Variants in MAGI2 observed in about 807,000 individuals in gnomAD.
MAGI2 encodes membrane associated guanylate kinase, WW and PDZ domain containing 2.
In MAGI2, 35 loss-of-function variants were observed where a neutral mutation model predicts 133.3. That is an observed-to-expected ratio of 0.26 (90% confidence interval 0.20 to 0.35). MAGI2 has a LOEUF of 0.35. MAGI2 is among the 10% of genes least tolerant of loss of function. The pLI, the probability that MAGI2 is intolerant of heterozygous loss-of-function variation, is 1.00. For missense variants in MAGI2, 1,636 were observed against 1,863.4 expected, an observed-to-expected ratio of 0.88 and a Z score of 2.25; for synonymous variants, 729 against 710.6, an observed-to-expected ratio of 1.03 and a Z score of -0.41.
At chr7:79,450,257 C>A (rs1468729272) in intron 1 of MAGI2, among the ~76,000 whole-genome samples, 1 of 152,000 alleles carries the variant, frequency 6.6e-6, no homozygotes, top group Non-Finnish European at 1.5e-5. Context: ...ACTACTGGGC[C>A]AAGAGTTTCT....
chr7:78,352,525 A>G (rs961293891), intron 7 of MAGI2, among the ~76,000 whole-genome samples: 2 of 152,164 alleles, frequency 1.3e-5, no homozygotes, highest in African/African-American at 2.4e-5. Flanking sequence ...ATTATTTCCT[A>G]CTGTACCTGG....
At chr7:79,059,058 T>C (rs1054882882) in intron 1 of MAGI2, among the ~76,000 whole-genome samples, 1 of 152,050 alleles carries the variant, frequency 6.6e-6, no homozygotes, top group Non-Finnish European at 1.5e-5. Flanking sequence ...AGTAAAATAA[T>C]GGGTATTAGG....
chr7:79,206,482 AT>A (rs1427637038), intron 1 of MAGI2, among the ~76,000 whole-genome samples: 1 of 151,888 alleles, frequency 6.6e-6, no homozygotes, highest in East Asian at 1.9e-4. Flanking sequence ...AAGTGGACAA[AT>A]TCCTTGACAC....
At chr7:78,559,847 G>GTATA (rs1446071353) in intron 3 of MAGI2, among the ~76,000 whole-genome samples, 31 of 152,114 alleles carry the variant, frequency 2.0e-4, no homozygotes, top group Admixed American at 1.9e-3. Flanking sequence ...AAACATGTAT[G>GTATA]TGTGTGTGTA....
intron 2 of MAGI2, among the ~76,000 whole-genome samples, chr7:78,767,910 A>T (rs1825192278): frequency 6.6e-6 from 1 of 152,214 alleles, no homozygotes; most frequent in Non-Finnish European, 1.5e-5. Context: ...TCGGCATCTT[A>T]AATGTTGTTC....
Position 78,160,233 on chromosome 7 carries a change from T to C in MAGI2, c.2637A>G (p.Val879=), listed in dbSNP as rs1265316156. ...CPENGRSPGS[V]STHHSSPRSD... ...TGCGTGGAGAGCTGTGGTGGGTGGA[T>C]ACAGAGCCTGGACTTCTCCCGTTCT... is the stretch of plus-strand genomic sequence containing the variant. Residue 879 remains valine, a synonymous_variant, in exon 16 of 22, where the codon GTA becomes GTG. Coordinates refer to ENST00000354212, the MANE Select transcript of MAGI2 (RefSeq NM_012301.4). 2.5e-6 allele frequency: 4 copies of C among 1,608,830 alleles called. No homozygotes were observed. The highest frequency in any genetic ancestry group is 3.4e-6 in the Non-Finnish European group (4 of 1,177,184).
At chr7:78,776,262 T>A (rs539387774) in intron 2 of MAGI2, among the ~76,000 whole-genome samples, 6 of 152,190 alleles carry the variant, frequency 3.9e-5, no homozygotes, top group Non-Finnish European at 8.8e-5. Flanking sequence ...GATAAAGGAG[T>A]GTTTACATAG....
At chr7:78,263,776 A>G (rs1793740986) in intron 9 of MAGI2, among the ~76,000 whole-genome samples, 1 of 152,096 alleles carries the variant, frequency 6.6e-6, no homozygotes, top group South Asian at 2.1e-4. Context: ...GTGCCTGCTG[A>G]CAGGGACAGA....
At chr7:78,395,722 A>T (rs1399804924) in intron 6 of MAGI2, among the ~76,000 whole-genome samples, 2 of 152,188 alleles carry the variant, frequency 1.3e-5, no homozygotes, top group Non-Finnish European at 2.9e-5. Flanking sequence ...TCTATTTTAT[A>T]CTATAAATTC....
At chr7:78,612,861 G>A (rs184204717) in intron 3 of MAGI2, among the ~76,000 whole-genome samples, 1 of 151,560 alleles carries the variant, frequency 6.6e-6, no homozygotes, top group African/African-American at 2.4e-5. Flanking sequence ...TAGTAGAGAC[G>A]GGGTTTCACT....
intron 1 of MAGI2, among the ~76,000 whole-genome samples, chr7:79,036,645 G>A (rs1031392625): frequency 2.1e-5 from 3 of 145,096 alleles, no homozygotes; most frequent in Non-Finnish European, 4.5e-5. Flanking sequence ...TGAAACACAT[G>A]TCTGTATTTT....
chr7:78,172,178 CCAA>C (rs958874851), intron 14 of MAGI2, among the ~76,000 whole-genome samples: 1 of 152,178 alleles, frequency 6.6e-6, no homozygotes, highest in African/African-American at 2.4e-5. Flanking sequence ...AGAAAAAAAA[CCAA>C]CAAGTAAGAC....
At chr7:78,690,067 C>G (rs1456177438) in intron 2 of MAGI2, among the ~76,000 whole-genome samples, 1 of 152,014 alleles carries the variant, frequency 6.6e-6, no homozygotes, top group African/African-American at 2.4e-5. Flanking sequence ...TTTCCTCTAT[C>G]AAAACTTTCA....
At chr7:78,991,074 T>G (rs1029367337) in intron 2 of MAGI2, among the ~76,000 whole-genome samples, 1 of 151,824 alleles carries the variant, frequency 6.6e-6, no homozygotes, top group Non-Finnish European at 1.5e-5. Context: ...CTTGTGATAG[T>G]GAAGGAGCTC....
At chr7:78,553,469 T>A (rs1799534111) in intron 3 of MAGI2, among the ~76,000 whole-genome samples, 2 of 152,152 alleles carry the variant, frequency 1.3e-5, no homozygotes, top group South Asian at 2.1e-4. Context: ...TTTGAAAACC[T>A]CTGTCATTAA....
intron 1 of MAGI2, among the ~76,000 whole-genome samples, chr7:79,404,491 G>T (rs766714888): frequency 2.0e-5 from 3 of 151,942 alleles, no homozygotes; most frequent in Non-Finnish European, 4.4e-5. Flanking sequence ...GTGACCCACC[G>T]TGTTCAGCCT....
chr7:78,071,497 G>A lies in MAGI2; in HGVS notation c.3706+7450C>T, dbSNP rs56327212. Among the ~76,000 whole-genome samples the A allele has an allele frequency of 2.5e-3, 376 of 152,100 alleles. 1 individual carries two copies. The highest frequency in any genetic ancestry group is 8.4e-3 in the African/African-American group (349 of 41,508). ...GTCTGCAGTGAGCTGAGATCACACC[G>A]TTGTACTCCAGCCTGGACTACAGAG... On this transcript the variant is annotated intron_variant, in intron 21 of 21. Transcript: ENST00000354212.
intron 16 of MAGI2, among the ~76,000 whole-genome samples, chr7:78,140,285 T>TC (rs1822614722): frequency 6.6e-6 from 1 of 152,230 alleles, no homozygotes; most frequent in South Asian, 2.1e-4. Flanking sequence ...CCTTCTCTCC[T>TC]CTTTCCTCAT....
At chr7:78,064,625 G>A (rs10281603) in intron 21 of MAGI2, among the ~76,000 whole-genome samples, 6,802 of 152,218 alleles carry the variant, frequency 0.045, 170 homozygotes, top group African/African-American at 0.08. Flanking sequence ...TGAGAAGTGT[G>A]TCAGTTTGAT....
Sources: allele counts gnomAD v4.1 joint callset (sites outside exome capture counted in the v4.1 genomes callset), GRCh38; gene constraint gnomAD v4.1.1; transcripts MANE v1.5; gene names NCBI Gene and HGNC (gene_info 2026-07-23, HGNC 2026-07-21).